Variants in TSGA10 observed in about 807,000 individuals in gnomAD.
TSGA10 encodes testis specific 10, also known as testis-specific gene 10 protein.
A neutral mutation model predicts 96.6 loss-of-function variants in TSGA10; 43 were observed. That is an observed-to-expected ratio of 0.44 (90% CI 0.35 to 0.57). TSGA10 has a LOEUF of 0.57. Ranked by LOEUF, TSGA10 falls within the 20% of genes least tolerant of loss-of-function variation. TSGA10 has a pLI of 0.01. For synonymous variants in TSGA10, 229 were observed against 269.9 expected, an observed-to-expected ratio of 0.85 and a Z score of 1.48; for missense variants, 703 against 834.4, an observed-to-expected ratio of 0.84 and a Z score of 1.94.
At chr2:98,998,699 T>C (rs146263580) in intron 20 of TSGA10, among the ~76,000 whole-genome samples, 19 of 152,190 alleles carry the variant, frequency 1.2e-4, no homozygotes, top group African/African-American at 4.1e-4. Context: ...AATATATATA[T>C]ACACATACAA....
At chr2:99,047,835 C>T (rs1248746550) in intron 16 of TSGA10, among the ~76,000 whole-genome samples, 1 of 152,072 alleles carries the variant, frequency 6.6e-6, no homozygotes, top group Non-Finnish European at 1.5e-5. Flanking sequence ...TTGTCTCAGC[C>T]CAAAATCTCC....
At chr2:99,100,592 G>A (rs567410148) in intron 10 of TSGA10, among the ~76,000 whole-genome samples, 39 of 152,038 alleles carry the variant, frequency 2.6e-4, no homozygotes, top group Non-Finnish European at 4.3e-4. Context: ...AGGCCGAGGC[G>A]GGCAGATCAC....
chr2:99,106,915 C>G (rs746482254), intron 7 of TSGA10, among the ~76,000 whole-genome samples: 4 of 152,142 alleles, frequency 2.6e-5, no homozygotes, highest in Non-Finnish European at 4.4e-5. Context: ...TCTGAAGGCT[C>G]GAAGCTCACC....
chr2:99,039,440 C>G (rs371682706), intron 16 of TSGA10, among the ~76,000 whole-genome samples: 2 of 151,620 alleles, frequency 1.3e-5, no homozygotes, highest in Non-Finnish European at 2.9e-5. Flanking sequence ...CAGTTAGAAA[C>G]GAAATGGGAG....
chr2:99,041,617 T>C (rs367830447), intron 16 of TSGA10, among the ~76,000 whole-genome samples: 5 of 152,202 alleles, frequency 3.3e-5, no homozygotes, highest in African/African-American at 1.2e-4. Context: ...GCTGAGATAA[T>C]TGGCAAGCTA....
intron 17 of TSGA10, among the ~76,000 whole-genome samples, chr2:99,020,695 T>TCA (rs1418359900): frequency 6.6e-6 from 1 of 152,106 alleles, no homozygotes; most frequent in East Asian, 1.9e-4. Flanking sequence ...ATCAGAAAAT[T>TCA]CATTAATTTA....
At chr2:99,072,252 C>T (rs2086063829) in intron 13 of TSGA10, among the ~76,000 whole-genome samples, 1 of 152,110 alleles carries the variant, frequency 6.6e-6, no homozygotes, top group South Asian at 2.1e-4. Context: ...CCCAATTATT[C>T]TCACTCTAAC....
chr2:99,109,658 T>G, intron 5 of TSGA10, 146 bp from the exon 6 acceptor site: 2 of 508,706 alleles, frequency 3.9e-6, no homozygotes, highest in Non-Finnish European at 2.9e-6. Context: ...AACATTTAAT[T>G]TGGTATTTTT....
chr2:99,059,048 TAATA>T (rs1164621794), intron 16 of TSGA10, among the ~76,000 whole-genome samples: 2 of 103,478 alleles, frequency 1.9e-5, no homozygotes, highest in South Asian at 2.7e-4. Flanking sequence ...AAAAAAAAAA[TAATA>T]TATATATATA....
chr2:99,039,615 A>G (rs575019523), intron 16 of TSGA10, among the ~76,000 whole-genome samples: 1 of 149,728 alleles, frequency 6.7e-6, no homozygotes, highest in East Asian at 1.9e-4. Flanking sequence ...AACAAAAAAA[A>G]CAAGAAACAA....
chr2:99,125,657 C>T (rs2092787324), intron 2 of TSGA10: 1 of 152,166 alleles, frequency 6.6e-6, no homozygotes, highest in African/African-American at 2.4e-5. Flanking sequence ...CCTCCTGTGA[C>T]AATGCTCCAA....
At chr2:99,036,096 T>A (rs1333766801) in intron 16 of TSGA10, among the ~76,000 whole-genome samples, 1 of 152,118 alleles carries the variant, frequency 6.6e-6, no homozygotes, top group Admixed American at 6.5e-5. Context: ...CAGAAAAATG[T>A]CTTATGTAAG....
chr2:99,132,773 C>T (rs2093154093), intron 1 of TSGA10, among the ~76,000 whole-genome samples: 1 of 152,186 alleles, frequency 6.6e-6, no homozygotes. Context: ...CTACACACTG[C>T]TTTAGCTGTG....
Position 99,105,610 on chromosome 2 carries a change from G to A in TSGA10, c.298C>T (p.Arg100Ter). 1 of 1,610,122 alleles carries A rather than the reference G, an allele frequency of 6.2e-7. No individual in the cohort carries two copies. The highest frequency in any genetic ancestry group is 8.5e-7 in the Non-Finnish European group (1 of 1,176,716). The change falls in exon 8 of 21, where the codon CGA becomes TGA. Residue 100 changes from arginine (R) to a stop codon, truncating the protein, a stop_gained. Coordinates refer to ENST00000393483, the MANE Select transcript of TSGA10 (RefSeq NM_025244.4). LOFTEE classifies it high-confidence loss of function. The stretch of plus-strand genomic sequence containing the variant: ...GCTACATCTCTTTCAGTCTCCACTC[G>A]CCGGAGAATAGCATGTGCCGTTGTT... ...KSTTAHAILR[R>*]VETERDVAFT...
intron 2 of TSGA10, among the ~76,000 whole-genome samples, chr2:99,119,828 T>C (rs1236861320): frequency 3.3e-5 from 5 of 152,186 alleles, no homozygotes; most frequent in African/African-American, 9.7e-5. Flanking sequence ...CCTACCCTTA[T>C]TATTTCAGCT....
chr2:99,128,274 T>C (rs1349460606), intron 1 of TSGA10, among the ~76,000 whole-genome samples: 1 of 152,178 alleles, frequency 6.6e-6, no homozygotes, highest in Non-Finnish European at 1.5e-5. Flanking sequence ...TCTTCTTCAT[T>C]GCAACAGTTA....
intron 1 of TSGA10, among the ~76,000 whole-genome samples, chr2:99,140,692 G>A (rs1369772582): frequency 6.6e-6 from 1 of 152,058 alleles, no homozygotes; most frequent in Non-Finnish European, 1.5e-5. Context: ...AGTCTAGAAA[G>A]AGGCTCAGAA....
At chr2:99,005,763 G>A (rs2078410925) in intron 20 of TSGA10, among the ~76,000 whole-genome samples, 3 of 152,264 alleles carry the variant, frequency 2.0e-5, no homozygotes, top group African/African-American at 7.2e-5. Flanking sequence ...AGCTACCAAT[G>A]ACTTTCTTCA....
intron 12 of TSGA10, among the ~76,000 whole-genome samples, chr2:99,078,257 G>A (rs943656475): frequency 8.1e-6 from 1 of 123,966 alleles, no homozygotes; most frequent in Non-Finnish European, 1.6e-5. Context: ...GGCAAGGGAG[G>A]AAGACTCCCG....
Sources: allele counts gnomAD v4.1 joint callset (sites outside exome capture counted in the v4.1 genomes callset), GRCh38; gene constraint gnomAD v4.1.1; transcripts MANE v1.5; gene names NCBI Gene and HGNC (gene_info 2026-07-23, HGNC 2026-07-21).